Variants in SORCS1 observed in about 807,000 individuals in gnomAD.
SORCS1 encodes the protein VPS10 domain-containing receptor SorCS1.
A neutral mutation model predicts 146.1 loss-of-function variants in SORCS1; 60 were observed. The ratio of observed to expected loss-of-function variants is 0.41; its 90% CI spans 0.33 to 0.51. The LOEUF is 0.51. SORCS1 is among the 20% of genes least tolerant of loss of function. The probability of loss-of-function intolerance (pLI) is 0.21; values close to 1 mark genes in which losing one functional copy is unlikely to be tolerated. For synonymous variants in SORCS1, 637 were observed against 584.0 expected, an observed-to-expected ratio of 1.09 and a Z score of -1.31; for missense variants, 1,352 against 1,487.6, an observed-to-expected ratio of 0.91 and a Z score of 1.50.
intron 18 of SORCS1, among the ~76,000 whole-genome samples, chr10:106,629,953 G>A (rs1179867064): frequency 6.6e-6 from 1 of 152,202 alleles, no homozygotes; most frequent in African/African-American, 2.4e-5. Flanking sequence ...GCTGAGGCGG[G>A]AGAATTGCTT....
At chr10:107,061,588 T>C (rs1403883012) in intron 1 of SORCS1, among the ~76,000 whole-genome samples, 1 of 152,202 alleles carries the variant, frequency 6.6e-6, no homozygotes. Context: ...AAAAGCTCCA[T>C]AACTCGTTAT....
At chr10:106,664,573 C>T (rs1486079394) in intron 17 of SORCS1, among the ~76,000 whole-genome samples, 7 of 151,988 alleles carry the variant, frequency 4.6e-5, no homozygotes, top group South Asian at 2.1e-4. Context: ...ACCTGGGAGG[C>T]GGAGGTTGCA....
At chr10:107,093,392 C>T (rs1172286584) in intron 1 of SORCS1, among the ~76,000 whole-genome samples, 3 of 152,066 alleles carry the variant, frequency 2.0e-5, no homozygotes, top group Admixed American at 6.6e-5. Flanking sequence ...GCGAGTCTTT[C>T]GGCCAGGCGT....
intron 6 of SORCS1, 152 bp from the exon 7 acceptor site, chr10:106,709,493 G>A (rs1218728391): frequency 6.8e-6 from 3 of 439,902 alleles, no homozygotes; most frequent in Non-Finnish European, 1.2e-5. Flanking sequence ...CTGTCGCCCA[G>A]GCTGGAGTGC....
At chr10:106,795,126 C>T (rs1263603594) in intron 3 of SORCS1, among the ~76,000 whole-genome samples, 2 of 152,158 alleles carry the variant, frequency 1.3e-5, no homozygotes, top group Non-Finnish European at 2.9e-5. Flanking sequence ...AGTTCTAACA[C>T]CATAAGAATT....
At chr10:106,844,949 T>C (rs964491227) in intron 2 of SORCS1, among the ~76,000 whole-genome samples, 2 of 149,108 alleles carry the variant, frequency 1.3e-5, no homozygotes, top group African/African-American at 4.9e-5. Flanking sequence ...CCATGGTGTA[T>C]ATTTGCCACA....
At chr10:106,786,914 T>C (rs1446164914) in intron 3 of SORCS1, among the ~76,000 whole-genome samples, 2 of 152,222 alleles carry the variant, frequency 1.3e-5, no homozygotes, top group African/African-American at 4.8e-5. Context: ...AAAATTCTAA[T>C]CTGTTATCAG....
chr10:107,095,852 T>C lies in SORCS1; in HGVS notation c.558+68117A>G, dbSNP rs370888690. ...GGTAAAAGGTGATTCAGCTAAAATA[T>C]TATAAAGCCAAATATGAAAAATATA... On this transcript the variant is annotated intron_variant, in intron 1 of 25. Transcript: ENST00000263054. 1.1e-4 allele frequency among the ~76,000 whole-genome samples: 16 copies of C among 152,292 alleles called. 1 individual carries two copies. The highest frequency in any genetic ancestry group is 3.8e-4 in the African/African-American group (16 of 41,574).
intron 2 of SORCS1, among the ~76,000 whole-genome samples, chr10:106,833,352 T>C (rs1948643184): frequency 6.6e-6 from 1 of 152,162 alleles, no homozygotes; most frequent in Admixed American, 6.5e-5. Context: ...TTTTCACACA[T>C]CCAAGTGGTA....
intron 2 of SORCS1, among the ~76,000 whole-genome samples, chr10:106,955,227 G>T (rs1954880169): frequency 6.6e-6 from 1 of 152,254 alleles, no homozygotes; most frequent in African/African-American, 2.4e-5. Context: ...CCCCTTTGCA[G>T]TTCCATGATT....
At chr10:106,643,627 G>C (rs1407993956) in intron 18 of SORCS1, among the ~76,000 whole-genome samples, 1 of 152,244 alleles carries the variant, frequency 6.6e-6, no homozygotes, top group Non-Finnish European at 1.5e-5. Flanking sequence ...TGCTGTTGAA[G>C]CTTTGCCCAC....
intron 1 of SORCS1, among the ~76,000 whole-genome samples, chr10:107,140,299 C>T (rs917611768): frequency 6.6e-5 from 10 of 152,196 alleles, no homozygotes; most frequent in African/African-American, 2.4e-4. Flanking sequence ...CAATACAGGG[C>T]TTCAAAGACT....
intron 2 of SORCS1, among the ~76,000 whole-genome samples, chr10:106,916,575 T>TATACACAC (rs370054736): frequency 3.5e-5 from 5 of 142,838 alleles, no homozygotes; most frequent in South Asian, 2.2e-4. Context: ...TGCATATATA[T>TATACACAC]ACACACACAC....
intron 2 of SORCS1, among the ~76,000 whole-genome samples, chr10:106,878,632 A>ATATATG (rs1564765017): frequency 4.5e-5 from 6 of 133,894 alleles, no homozygotes; most frequent in African/African-American, 1.6e-4. Flanking sequence ...ATATATATAT[A>ATATATG]TATATATATA....
intron 1 of SORCS1, among the ~76,000 whole-genome samples, chr10:107,145,455 C>T (rs1010857469): frequency 6.6e-6 from 1 of 152,092 alleles, no homozygotes. Flanking sequence ...TGATGGTGGT[C>T]CAAATACTGC....
intron 17 of SORCS1, among the ~76,000 whole-genome samples, chr10:106,656,871 T>C (rs1259499739): frequency 6.6e-6 from 1 of 152,182 alleles, no homozygotes; most frequent in African/African-American, 2.4e-5. Context: ...TCAGTTTGTT[T>C]TTGTTTTTAG....
At chr10:107,122,510 T>A (rs928670100) in intron 1 of SORCS1, among the ~76,000 whole-genome samples, 4 of 152,216 alleles carry the variant, frequency 2.6e-5, no homozygotes, top group Non-Finnish European at 4.4e-5. Context: ...TGTGCTTTTA[T>A]CTGAAGAAGG....
chr10:106,800,904 T>C (rs1946835346), intron 3 of SORCS1, among the ~76,000 whole-genome samples: 1 of 152,138 alleles, frequency 6.6e-6, no homozygotes, highest in Admixed American at 6.5e-5. Context: ...CTGGATTAGG[T>C]GACCTTCCTC....
chr10:106,723,607 C>T (rs911149083), intron 6 of SORCS1, among the ~76,000 whole-genome samples: 4 of 152,102 alleles, frequency 2.6e-5, no homozygotes, highest in Non-Finnish European at 4.4e-5. Flanking sequence ...GAAAGTAATA[C>T]AATAAAGAAT....
Sources: allele counts gnomAD v4.1 joint callset (sites outside exome capture counted in the v4.1 genomes callset), GRCh38; gene constraint gnomAD v4.1.1; transcripts MANE v1.5; gene names NCBI Gene and HGNC (gene_info 2026-07-23, HGNC 2026-07-21).